KAT6B: variants seen among roughly 807,000 people sequenced by gnomAD.
KAT6B encodes the protein lysine acetyltransferase 6B, also known as histone acetyltransferase KAT6B.
KAT6B carries 10 observed loss-of-function variants against 187.5 expected under a neutral mutation model. The observed-to-expected ratio is 0.05, with a 90% CI of 0.03 to 0.09. The LOEUF (loss-of-function observed/expected upper bound fraction) is 0.09, where lower values mean the gene tolerates loss of function less well. KAT6B is among the 10% of genes least tolerant of loss of function. KAT6B has a pLI of 1.00. For synonymous variants in KAT6B, 861 were observed against 926.8 expected (o/e 0.93, Z 1.29); for missense variants, 1,952 against 2,558.9 (o/e 0.76, Z 5.12).
intron 13 of KAT6B, among the ~76,000 whole-genome samples, chr10:75,006,631 G>A (rs138488133): frequency 2.0e-5 from 3 of 152,056 alleles, no homozygotes; most frequent in Non-Finnish European, 4.4e-5. Context: ...TTCATTTTCT[G>A]TAGTCTCTTT....
chr10:74,921,205 C>T (rs1221894116), intron 3 of KAT6B, among the ~76,000 whole-genome samples: 1 of 150,340 alleles, frequency 6.7e-6, no homozygotes, highest in Admixed American at 6.6e-5. Flanking sequence ...ACCTCCACCT[C>T]CTGGCTTCAA....
chr10:75,024,961 C>A lies in KAT6B; in HGVS notation c.3376C>A (p.Pro1126Thr), dbSNP rs767796290. Residue 1126 changes from proline to threonine, a missense_variant, in exon 17 of 18, where the codon CCT becomes ACT. Pro to Thr is a conservative substitution (Grantham distance 38, BLOSUM62 -1). Coordinates refer to ENST00000287239, the MANE Select transcript of KAT6B (RefSeq NM_012330.4). ...PQSVAIKRKR[P>T]FVLKKKRGRK... is the part of the protein sequence containing the mutation. ...TTATGTTTGGAATTAATTTCAGAGGCCTTTTGTACTAAAGAAGAAAAGGGG... is the reference window on the plus strand; with the variant it reads ...TTATGTTTGGAATTAATTTCAGAGGACTTTTGTACTAAAGAAGAAAAGGGG... 2.7e-5 allele frequency: 43 copies of A among 1,613,920 alleles called. No individual in the cohort carries two copies. The highest frequency in any genetic ancestry group is 3.4e-5 in the Non-Finnish European group (40 of 1,179,888).
chr10:74,923,568 A>T (rs1362320342), intron 3 of KAT6B, among the ~76,000 whole-genome samples: 1 of 152,200 alleles, frequency 6.6e-6, no homozygotes, highest in Admixed American at 6.5e-5. Context: ...ATTTAACTTG[A>T]CTTCTGAGGG....
chr10:74,959,066 A>AAATAAATAAATT (rs1355495206), intron 3 of KAT6B, among the ~76,000 whole-genome samples: 1 of 151,592 alleles, frequency 6.6e-6, no homozygotes, highest in African/African-American at 2.4e-5. Flanking sequence ...ATAAATAAAT[A>AAATAAATAAATT]AATAAGGTGA....
chr10:74,889,841 C>A (rs1845529497), intron 3 of KAT6B, among the ~76,000 whole-genome samples: 1 of 152,080 alleles, frequency 6.6e-6, no homozygotes, highest in African/African-American at 2.4e-5. Flanking sequence ...AGTGTCTCCC[C>A]ATAAGTAAAA....
intron 3 of KAT6B, among the ~76,000 whole-genome samples, chr10:74,843,823 A>G (rs548124465): frequency 9.2e-5 from 14 of 152,146 alleles, no homozygotes; most frequent in African/African-American, 3.1e-4. Flanking sequence ...GCCATCGTAT[A>G]TTTTTCTCTT....
chr10:74,891,709 A>G (rs1845655410), intron 3 of KAT6B, among the ~76,000 whole-genome samples: 1 of 152,222 alleles, frequency 6.6e-6, no homozygotes, highest in Non-Finnish European at 1.5e-5. Context: ...ACTCTGACTG[A>G]TGATGGCAGA....
At chr10:74,829,365 C>T (rs1407983268) in intron 1 of KAT6B, among the ~76,000 whole-genome samples, 1 of 152,176 alleles carries the variant, frequency 6.6e-6, no homozygotes, top group Non-Finnish European at 1.5e-5. Flanking sequence ...ACTAAGTGAT[C>T]TGGCTTTCAG....
At chr10:74,978,630 G>A (rs1229390633) in intron 9 of KAT6B, among the ~76,000 whole-genome samples, 1 of 152,162 alleles carries the variant, frequency 6.6e-6, no homozygotes, top group Non-Finnish European at 1.5e-5. Context: ...GTCAGGCACT[G>A]TACCAGACAC....
intron 3 of KAT6B, among the ~76,000 whole-genome samples, chr10:74,855,073 AG>A (rs949724653): frequency 6.6e-5 from 10 of 152,142 alleles, no homozygotes; most frequent in Non-Finnish European, 8.8e-5. Flanking sequence ...GCAGGGAAAA[AG>A]GTACTATTGC....
At chr10:74,908,398 T>C (rs1241758398) in intron 3 of KAT6B, among the ~76,000 whole-genome samples, 1 of 151,926 alleles carries the variant, frequency 6.6e-6, no homozygotes, top group East Asian at 1.9e-4. Flanking sequence ...CCATCTCTAC[T>C]GAAAATGCAA....
At chr10:74,971,233 A>G (rs992673091) in intron 6 of KAT6B, among the ~76,000 whole-genome samples, 6 of 152,176 alleles carry the variant, frequency 3.9e-5, no homozygotes, top group Non-Finnish European at 8.8e-5. Context: ...TTTTCCATCC[A>G]CAATTATTTC....
At chr10:75,000,781 G>GTAAC (rs1843776444) in intron 13 of KAT6B, among the ~76,000 whole-genome samples, 2 of 152,302 alleles carry the variant, frequency 1.3e-5, no homozygotes, top group African/African-American at 4.8e-5. Context: ...GAACAAGGCT[G>GTAAC]TAACTATAGG....
intron 3 of KAT6B, among the ~76,000 whole-genome samples, chr10:74,894,744 G>C (rs1365546121): frequency 6.6e-6 from 1 of 152,108 alleles, no homozygotes; most frequent in African/African-American, 2.4e-5. Context: ...CATGTGACAA[G>C]ATTTCCTTCT....
At chr10:74,964,002 C>T (rs746590416) in intron 4 of KAT6B, among the ~76,000 whole-genome samples, 2 of 151,974 alleles carry the variant, frequency 1.3e-5, no homozygotes, top group Admixed American at 1.3e-4. Context: ...CATGGTAGCG[C>T]ATCCTGTAAT....
chr10:75,013,076 A>G (rs867251371), intron 13 of KAT6B, among the ~76,000 whole-genome samples: 13 of 152,092 alleles, frequency 8.5e-5, no homozygotes, highest in African/African-American at 3.1e-4. Context: ...TCCTTCCCCA[A>G]AGACATGCTG....
rs1164544592 is a variant in KAT6B, at chr10:74,975,908, G to C, written c.1571G>C (p.Ser524Thr). The change falls in exon 8 of 18, where the codon AGC becomes ACC. Residue 524 changes from serine (S) to threonine (T), a missense_variant. Ser to Thr is a moderately conservative substitution (Grantham distance 58). This residue lies in a region of KAT6B where 417 missense variants were observed against 508.9 expected (regional missense o/e 0.82). Transcript: ENST00000287239. ...TSSPSPQSSS[S>T]QCSVPSLSSL... Reference sequence around the variant, plus strand: ...TCTCCCTCTCCCCAGAGTTCTTCCAGCCAGTGCAGTGTGCCCTCCCTGAGC... The same window carrying C: ...TCTCCCTCTCCCCAGAGTTCTTCCACCCAGTGCAGTGTGCCCTCCCTGAGC... 1 of 1,613,890 alleles carries C rather than the reference G, an allele frequency of 6.2e-7. No homozygotes were observed. Among genetic ancestry groups the C allele is most frequent in the Non-Finnish European group, 8.5e-7 (1 of 1,180,020 alleles).
At chr10:74,921,813 A>G (rs1430762395) in intron 3 of KAT6B, among the ~76,000 whole-genome samples, 1 of 152,246 alleles carries the variant, frequency 6.6e-6, no homozygotes, top group Non-Finnish European at 1.5e-5. Flanking sequence ...TGCTTAAGCC[A>G]CTGTTGATTT....
Position 75,031,079 on chromosome 10 carries a change from A to T in KAT6B, c.*33A>T. 6.2e-7 allele frequency: 1 copy of T among 1,612,134 alleles called. No homozygotes were observed. Among genetic ancestry groups the T allele is most frequent in the African/African-American group, 1.3e-5 (1 of 74,982 alleles). On this transcript the variant is annotated 3_prime_UTR_variant, in exon 18 of 18. Coordinates refer to ENST00000287239, the MANE Select transcript of KAT6B (RefSeq NM_012330.4). ...GGGCAGTCCACAAAACCTACGGGGC[A>T]TCACTATTGGATTGATCTGCACAAA...
Sources: allele counts gnomAD v4.1 joint callset (sites outside exome capture counted in the v4.1 genomes callset), GRCh38; gene constraint gnomAD v4.1.1; regional missense constraint gnomAD v4.1.1; transcripts MANE v1.5; gene names NCBI Gene and HGNC (gene_info 2026-07-23, HGNC 2026-07-21).